Variants in RANBP2 observed in about 807,000 individuals in gnomAD.
RANBP2 encodes the protein E3 SUMO-protein ligase RanBP2.
In RANBP2, 57 loss-of-function variants were observed where a neutral mutation model predicts 303.6. The observed-to-expected ratio is 0.19, with a 90% CI of 0.15 to 0.23. The LOEUF is 0.23. Ranked by LOEUF, RANBP2 falls within the 10% of genes least tolerant of loss-of-function variation. The pLI, the probability that RANBP2 is intolerant of heterozygous loss-of-function variation, is 1.00. For missense variants in RANBP2, 3,138 were observed against 3,780.8 expected (o/e 0.83, Z 4.46); for synonymous variants, 1,167 against 1,301.5 (o/e 0.90, Z 2.23).
chr2:109,614,370 G>C, the RANBP2 span: 2 of 841,196 alleles, frequency 2.4e-6, no homozygotes, highest in African/African-American at 1.8e-5. Flanking sequence ...CCTCAGACGC[G>C]TAGGCTGGCA....
the RANBP2 span, among the ~76,000 whole-genome samples, chr2:109,509,645 G>A: frequency 1.5e-4 from 23 of 152,024 alleles, no homozygotes; most frequent in East Asian, 1.9e-3. Flanking sequence ...TCCATCACCC[G>A]AATAACATAC....
the RANBP2 span, among the ~76,000 whole-genome samples, chr2:109,238,345 C>T: frequency 2.0e-5 from 3 of 152,108 alleles, no homozygotes; most frequent in Admixed American, 6.5e-5. Flanking sequence ...TGCACAGAGA[C>T]AAGGCTGGAA....
chr2:109,670,877 C>T, the RANBP2 span, among the ~76,000 whole-genome samples: 3 of 152,192 alleles, frequency 2.0e-5, no homozygotes, highest in Admixed American at 1.3e-4. Flanking sequence ...GTTTCTGCTG[C>T]TCCTGCTCCC....
At chr2:109,559,037 C>G in the RANBP2 span, among the ~76,000 whole-genome samples, 4 of 152,074 alleles carry the variant, frequency 2.6e-5, no homozygotes, top group Non-Finnish European at 4.4e-5. Flanking sequence ...AGGTGTCCGC[C>G]ACCACACCCG....
chr2:109,717,078 A>G, the RANBP2 span, among the ~76,000 whole-genome samples: 5 of 152,204 alleles, frequency 3.3e-5, no homozygotes, highest in African/African-American at 9.6e-5. Context: ...GTGAAAAAGT[A>G]AGAGATAAAA....
the RANBP2 span, chr2:108,989,156 C>T: frequency 6.5e-6 from 1 of 152,926 alleles, no homozygotes; most frequent in Admixed American, 6.5e-5. Flanking sequence ...AGCCCCGCTT[C>T]CTTTCCGTTT....
chr2:108,781,719 C>A (rs775460054), intron 26 of RANBP2, among the ~76,000 whole-genome samples: 1 of 152,002 alleles, frequency 6.6e-6, no homozygotes, highest in Non-Finnish European at 1.5e-5. Flanking sequence ...GAAAAATTAA[C>A]CTCATACTCA....
the RANBP2 span, among the ~76,000 whole-genome samples, chr2:108,981,774 A>G: frequency 6.6e-6 from 1 of 152,220 alleles, no homozygotes; most frequent in African/African-American, 2.4e-5. Flanking sequence ...CCATGAACTT[A>G]CCAGGAGGGA....
the RANBP2 span, among the ~76,000 whole-genome samples, chr2:109,245,556 C>T: frequency 6.6e-6 from 1 of 152,178 alleles, no homozygotes; most frequent in African/African-American, 2.4e-5. Context: ...ACAAACTGCA[C>T]CTCTAGCCTG....
At chr2:109,229,822 CTTTCT>C in the RANBP2 span, among the ~76,000 whole-genome samples, 1 of 124,958 alleles carries the variant, frequency 8.0e-6, no homozygotes, top group Non-Finnish European at 1.6e-5. Context: ...TTTTCTTTTT[CTTTCT>C]TTTTTTTTTT....
At chr2:109,564,596 T>A in the RANBP2 span, 1 of 1,364,588 alleles carries the variant, frequency 7.3e-7, no homozygotes, top group Non-Finnish European at 9.7e-7. Flanking sequence ...CACAACTAAG[T>A]GTTTGCTGAA....
chr2:109,382,669 C>T, the RANBP2 span, among the ~76,000 whole-genome samples: 13 of 152,344 alleles, frequency 8.5e-5, no homozygotes, highest in East Asian at 2.5e-3. Context: ...TAACATCCGT[C>T]TGCCACTGAA....
chr2:109,436,878 G>C, the RANBP2 span: 1 of 1,610,076 alleles, frequency 6.2e-7, no homozygotes, highest in Non-Finnish European at 8.5e-7. Flanking sequence ...AATTCCTTCT[G>C]CTTTCTCTCC....
the RANBP2 span, among the ~76,000 whole-genome samples, chr2:108,858,692 AT>A: frequency 2.7e-5 from 4 of 148,310 alleles, 1 homozygote; most frequent in East Asian, 4.0e-4. Flanking sequence ...TTCTCATGCT[AT>A]TTTTTTCTTT....
At chr2:109,477,687 C>T in the RANBP2 span, among the ~76,000 whole-genome samples, 1 of 151,944 alleles carries the variant, frequency 6.6e-6, no homozygotes, top group South Asian at 2.1e-4. Flanking sequence ...CACAGTTTTG[C>T]GGGCTGGAAG....
the RANBP2 span, among the ~76,000 whole-genome samples, chr2:109,249,733 C>T: frequency 2.0e-5 from 3 of 151,554 alleles, no homozygotes; most frequent in South Asian, 2.1e-4. Flanking sequence ...CTGCAAGCTC[C>T]GCAAGCTCCG....
the RANBP2 span, among the ~76,000 whole-genome samples, chr2:109,413,530 C>G: frequency 2.0e-5 from 3 of 152,190 alleles, no homozygotes; most frequent in South Asian, 6.2e-4. Flanking sequence ...ACCTCTGTCT[C>G]TCTCTGTGTC....
the RANBP2 span, among the ~76,000 whole-genome samples, chr2:108,869,615 T>A: frequency 6.6e-6 from 1 of 151,916 alleles, no homozygotes; most frequent in Non-Finnish European, 1.5e-5. Flanking sequence ...CCATACAAGA[T>A]CTAAGGCCTT....
At chr2:109,615,871 C>A in the RANBP2 span, 1 of 1,613,910 alleles carries the variant, frequency 6.2e-7, no homozygotes, top group Non-Finnish European at 8.5e-7. Context: ...CGCAAAGCCT[C>A]GGGCAGCTCT....
Sources: allele counts gnomAD v4.1 joint callset (sites outside exome capture counted in the v4.1 genomes callset), GRCh38; gene constraint gnomAD v4.1.1; transcripts MANE v1.5; gene names NCBI Gene and HGNC (gene_info 2026-07-23, HGNC 2026-07-21).